Variants in MB21D2 observed in about 807,000 individuals in gnomAD.
MB21D2 encodes nucleotidyltransferase MB21D2.
A neutral mutation model predicts 33.3 loss-of-function variants in MB21D2; 9 were observed. The ratio of observed to expected loss-of-function variants is 0.27; its 90% confidence interval spans 0.16 to 0.47. The LOEUF (loss-of-function observed/expected upper bound fraction) is 0.47. Ranked by LOEUF, MB21D2 falls within the 20% of genes least tolerant of loss-of-function variation. MB21D2 has a pLI of 0.99. For synonymous variants in MB21D2, 241 were observed against 236.3 expected (o/e 1.02, Z -0.18); for missense variants, 540 against 624.6 (o/e 0.86, Z 1.44).
intron 1 of MB21D2, among the ~76,000 whole-genome samples, chr3:192,863,700 G>A (rs756999278): frequency 6.6e-6 from 1 of 152,102 alleles, no homozygotes; most frequent in South Asian, 2.1e-4. Context: ...TGATTATTGG[G>A]AGATGGAGCC....
At chr3:192,858,086 C>T (rs1381102081) in intron 1 of MB21D2, among the ~76,000 whole-genome samples, 4 of 152,194 alleles carry the variant, frequency 2.6e-5, no homozygotes, top group Non-Finnish European at 5.9e-5. Context: ...GATCACACCA[C>T]TGCACTCCAG....
chr3:192,820,159 A>C (rs952395260), intron 1 of MB21D2, among the ~76,000 whole-genome samples: 1 of 152,194 alleles, frequency 6.6e-6, no homozygotes, highest in African/African-American at 2.4e-5. Flanking sequence ...AGTTTGTATA[A>C]CAGCAAGTCA....
In MB21D2 at chr3:192,903,756, G is replaced by A. The variant is rs558234417; in HGVS notation, c.211+13874C>T. Among the ~76,000 whole-genome samples the A allele has an allele frequency of 2.6e-5, 4 of 152,354 alleles. No homozygotes were observed. The South Asian group carries it at 8.3e-4, about 32-fold the overall frequency. ...GGCAGATCCCCCATGAATGGCTTGG[G>A]CCATCCCCCTGGTGACAAGCAAGCT... On this transcript the variant is annotated intron_variant, in intron 1 of 1. Transcript: ENST00000392452.
intron 1 of MB21D2, among the ~76,000 whole-genome samples, chr3:192,866,022 TGG>T (rs1713159803): frequency 1.3e-5 from 2 of 151,368 alleles, no homozygotes; most frequent in Non-Finnish European, 2.9e-5. Flanking sequence ...TACTCTGGCC[TGG>T]GCAGCAGAGG....
chr3:192,900,624 T>C (rs1714076816), intron 1 of MB21D2, among the ~76,000 whole-genome samples: 2 of 152,044 alleles, frequency 1.3e-5, no homozygotes, highest in African/African-American at 2.4e-5. Context: ...TTGCTCCCTA[T>C]TGTATTCCTA....
intron 1 of MB21D2, among the ~76,000 whole-genome samples, chr3:192,813,247 T>C (rs1010843393): frequency 6.6e-6 from 1 of 151,792 alleles, no homozygotes; most frequent in Non-Finnish European, 1.5e-5. Context: ...TCCCAATGCA[T>C]ATTCAGGAGC....
Position 192,798,485 on chromosome 3 carries a change from C to A in MB21D2, c.1377G>T (p.Gln459His). 1.2e-6 allele frequency: 2 copies of A among 1,614,214 alleles called. No individual in the cohort carries two copies. Among genetic ancestry groups the A allele is most frequent in the Non-Finnish European group, 1.7e-6 (2 of 1,180,034 alleles). Residue 459 changes from glutamine to histidine, a missense_variant, in exon 2 of 2, where the codon CAG becomes CAT. Physicochemically the swap from Gln to His is conservative, Grantham distance 24. Transcript: ENST00000392452. The surrounding 1 kb of genome is among the most constrained non-coding windows in gnomAD (Gnocchi z 4.8). ...TTCCCGGGTTCTCAGTCACTAGCTG[C>A]TGCAGTTTTTTTGCCAAACGGTCAT... ...QPDDRLAKKLQQLVTENPGKS... is the reference protein window; with the variant it reads ...QPDDRLAKKLHQLVTENPGKS...
chr3:192,814,900 A>G (rs1366970893), intron 1 of MB21D2, among the ~76,000 whole-genome samples: 1 of 148,724 alleles, frequency 6.7e-6, no homozygotes, highest in African/African-American at 2.6e-5. Flanking sequence ...AAAGTCAAAG[A>G]TGAGTCTCAT....
At chr3:192,895,720 GT>G (rs1311900639) in intron 1 of MB21D2, among the ~76,000 whole-genome samples, 9 of 97,286 alleles carry the variant, frequency 9.3e-5, no homozygotes, top group Non-Finnish European at 1.3e-4. Flanking sequence ...AAGTTGTTGG[GT>G]TTTTGGGGTT....
chr3:192,834,356 C>G lies in MB21D2; in HGVS notation c.212-34706G>C, dbSNP rs12639455. On this transcript the variant is annotated intron_variant, in intron 1 of 1. Transcript: ENST00000392452. ...AAACAAAACAAAACAAACAAAAAAA[C>G]CCAAATCCAGTTATGATGCAAATAA... Among the ~76,000 whole-genome samples the G allele has an allele frequency of 2.5e-4, 36 of 146,360 alleles. 1 individual carries two copies. The highest frequency in any genetic ancestry group is 8.1e-4 in the African/African-American group (32 of 39,320).
chr3:192,900,940 C>CA (rs5855467), intron 1 of MB21D2, among the ~76,000 whole-genome samples: 75,950 of 140,418 alleles, frequency 0.54, 19,829 homozygotes, highest in Admixed American at 0.56. Context: ...GACTCTGTCT[C>CA]AAAAAAAAAA....
intron 1 of MB21D2, among the ~76,000 whole-genome samples, chr3:192,859,511 C>A (rs1283717885): frequency 1.3e-5 from 2 of 152,246 alleles, no homozygotes; most frequent in African/African-American, 2.4e-5. Flanking sequence ...AAAGTTATAA[C>A]CCCATCCCTG....
intron 1 of MB21D2, among the ~76,000 whole-genome samples, chr3:192,870,831 A>G (rs551576374): frequency 2.8e-4 from 42 of 152,124 alleles, no homozygotes; most frequent in African/African-American, 9.6e-4. Flanking sequence ...GTTTCTCATC[A>G]TATCTCTTAA....
In MB21D2 at chr3:192,834,912, C is replaced by T. The variant is rs532209287; in HGVS notation, c.212-35262G>A. On this transcript the variant is annotated intron_variant, in intron 1 of 1. Coordinates refer to ENST00000392452, the MANE Select transcript of MB21D2 (RefSeq NM_178496.4). ...GCAACCTCTGCCTCCCTGGTTCAAG[C>T]GATTCTCCTGCCTCAGCCTCCCGAG... 6.8e-5 allele frequency among the ~76,000 whole-genome samples: 10 copies of T among 147,834 alleles called. No homozygotes were observed. The South Asian group carries it at 1.1e-3, about 16-fold the overall frequency.
At chr3:192,836,361 G>T (rs927321722) in intron 1 of MB21D2, among the ~76,000 whole-genome samples, 19 of 152,268 alleles carry the variant, frequency 1.2e-4, no homozygotes, top group Non-Finnish European at 2.5e-4. Context: ...CTGGGTGCTT[G>T]TTATGGGCTA....
At chr3:192,844,193 G>T (rs375310877) in intron 1 of MB21D2, among the ~76,000 whole-genome samples, 17 of 152,288 alleles carry the variant, frequency 1.1e-4, no homozygotes, top group African/African-American at 4.1e-4. Flanking sequence ...TCTCACTTAC[G>T]TTGTCCTTCC....
chr3:192,910,970 G>A (rs1249664420), intron 1 of MB21D2, among the ~76,000 whole-genome samples: 1 of 152,166 alleles, frequency 6.6e-6, no homozygotes, highest in Non-Finnish European at 1.5e-5. Context: ...CTGAACACAT[G>A]AAGTACATAT....
intron 1 of MB21D2, among the ~76,000 whole-genome samples, chr3:192,916,692 G>C (rs1195879272): frequency 6.6e-6 from 1 of 152,210 alleles, no homozygotes; most frequent in South Asian, 2.1e-4. Flanking sequence ...AGGACACCTG[G>C]GGAGGGTGGG....
At chr3:192,861,563 T>C (rs1713042464) in intron 1 of MB21D2, among the ~76,000 whole-genome samples, 1 of 152,296 alleles carries the variant, frequency 6.6e-6, no homozygotes, top group African/African-American at 2.4e-5. Context: ...TCCCAGCACT[T>C]TGGGAGGCCA....
Sources: allele counts gnomAD v4.1 joint callset (sites outside exome capture counted in the v4.1 genomes callset), GRCh38; gene constraint gnomAD v4.1.1; non-coding constraint Gnocchi (gnomAD v3.1); transcripts MANE v1.5; gene names NCBI Gene and HGNC (gene_info 2026-07-23, HGNC 2026-07-21).